Variants in TMEM132D observed in about 807,000 individuals in gnomAD.
TMEM132D encodes the protein mature OL transmembrane protein.
In TMEM132D, 21 loss-of-function variants were observed where a neutral mutation model predicts 62.3. The observed-to-expected ratio is 0.34, with a 90% confidence interval of 0.24 to 0.49. TMEM132D has a LOEUF of 0.49. Ranked by LOEUF, TMEM132D falls within the 20% of genes least tolerant of loss-of-function variation. The pLI, the probability that TMEM132D is intolerant of heterozygous loss-of-function variation, is 0.99. For synonymous variants in TMEM132D, 621 were observed against 575.6 expected (o/e 1.08, Z -1.13); for missense variants, 1,346 against 1,402.8 (o/e 0.96, Z 0.65).
chr12:129,866,269 A>T (rs1874057229), intron 1 of TMEM132D, among the ~76,000 whole-genome samples: 1 of 152,202 alleles, frequency 6.6e-6, no homozygotes, highest in Non-Finnish European at 1.5e-5. Context: ...AGCCATAAAA[A>T]ATGATGAGTT....
intron 2 of TMEM132D, among the ~76,000 whole-genome samples, chr12:129,564,952 G>A (rs1217839682): frequency 6.6e-6 from 1 of 152,118 alleles, no homozygotes; most frequent in African/African-American, 2.4e-5. Context: ...GAGAAAGGAA[G>A]GAGGAGAAAT....
intron 2 of TMEM132D, among the ~76,000 whole-genome samples, chr12:129,563,418 TCTTTTCCC>T (rs1877290629): frequency 6.6e-6 from 1 of 152,212 alleles, no homozygotes; most frequent in African/African-American, 2.4e-5. Context: ...TAGATGGATA[TCTTTTCCC>T]AGCCCTCTTT....
At chr12:129,877,462 T>A (rs1238898373) in intron 1 of TMEM132D, among the ~76,000 whole-genome samples, 1 of 152,144 alleles carries the variant, frequency 6.6e-6, no homozygotes, top group South Asian at 2.1e-4. Flanking sequence ...CTGAGAAACA[T>A]CCTTAAACGC....
intron 1 of TMEM132D, among the ~76,000 whole-genome samples, chr12:129,828,776 A>ATGGAGGGAGGG (rs1872740198): frequency 1.3e-4 from 1 of 7,994 alleles, no homozygotes; most frequent in African/African-American, 4.0e-4. Flanking sequence ...GGGAGGGAGG[A>ATGGAGGGAGGG]AGAAAAGGAG....
At chr12:129,217,723 A>ATT (rs35386156) in intron 4 of TMEM132D, among the ~76,000 whole-genome samples, 8 of 152,072 alleles carry the variant, frequency 5.3e-5, no homozygotes, top group East Asian at 1.9e-4. Flanking sequence ...AAAAGGTAGC[A>ATT]TTTTTTACAG....
chr12:129,742,560 T>C (rs1869643430), intron 1 of TMEM132D, among the ~76,000 whole-genome samples: 1 of 152,188 alleles, frequency 6.6e-6, no homozygotes, highest in South Asian at 2.1e-4. Context: ...ATTCAAACCA[T>C]ATCACCATCT....
intron 1 of TMEM132D, among the ~76,000 whole-genome samples, chr12:129,716,241 G>A (rs983116578): frequency 2.6e-4 from 39 of 152,122 alleles, no homozygotes; most frequent in African/African-American, 7.2e-4. Flanking sequence ...AAACAATGCC[G>A]CCTGGGAAAT....
At chr12:129,094,274 T>G (rs1179181833) in intron 5 of TMEM132D, among the ~76,000 whole-genome samples, 1 of 152,166 alleles carries the variant, frequency 6.6e-6, no homozygotes, top group Non-Finnish European at 1.5e-5. Context: ...GTTTTTGCAA[T>G]CTACCCATCT....
chr12:129,393,595 C>T lies in TMEM132D; in HGVS notation c.1116-55778G>A, dbSNP rs578239903. Among the ~76,000 whole-genome samples, 76 of 152,304 alleles carry T rather than the reference C, an allele frequency of 5.0e-4. 2 individuals carry two copies. Among genetic ancestry groups the T allele is most frequent in the South Asian group, 1.2e-3 (6 of 4,826 alleles). ...AAATTCACATAATTGCCTTAGGCTG[C>T]TGCTCAGAAACTTGGCTCAATAAGA... is the stretch of plus-strand genomic sequence containing the variant. On this transcript the variant is annotated intron_variant, in intron 3 of 8. Coordinates refer to ENST00000422113, the MANE Select transcript of TMEM132D (RefSeq NM_133448.3).
intron 2 of TMEM132D, among the ~76,000 whole-genome samples, chr12:129,604,477 A>C (rs968408911): frequency 2.0e-5 from 3 of 152,214 alleles, no homozygotes; most frequent in Non-Finnish European, 4.4e-5. Context: ...ATTTGTGGAC[A>C]TAAGTTTTCA....
chr12:129,270,245 T>C (rs934074879), intron 4 of TMEM132D, among the ~76,000 whole-genome samples: 1 of 152,186 alleles, frequency 6.6e-6, no homozygotes, highest in African/African-American at 2.4e-5. Context: ...AAGAGCAGGT[T>C]CCTCTAAGCA....
intron 1 of TMEM132D, among the ~76,000 whole-genome samples, chr12:129,775,077 T>G (rs1332517533): frequency 6.6e-6 from 1 of 152,230 alleles, no homozygotes; most frequent in Non-Finnish European, 1.5e-5. Context: ...TTCAGGTTTT[T>G]CTTAGAACAC....
At chr12:129,821,301 T>C (rs191256682) in intron 1 of TMEM132D, among the ~76,000 whole-genome samples, 6 of 152,330 alleles carry the variant, frequency 3.9e-5, no homozygotes, top group Admixed American at 2.0e-4. Flanking sequence ...AATTCCACGG[T>C]GTTGGTGTCC....
chr12:129,410,638 G>A (rs1435819347), intron 3 of TMEM132D, among the ~76,000 whole-genome samples: 5 of 152,294 alleles, frequency 3.3e-5, no homozygotes, highest in Admixed American at 6.5e-5. Flanking sequence ...GATTACAGGC[G>A]TGAGCCACCA....
At chr12:129,673,725 A>C (rs577239842) in intron 2 of TMEM132D, among the ~76,000 whole-genome samples, 47 of 152,332 alleles carry the variant, frequency 3.1e-4, no homozygotes, top group African/African-American at 1.1e-3. Flanking sequence ...CCAGTGTCTA[A>C]TGGAGCAATC....
chr12:129,767,497 T>C (rs1870589801), intron 1 of TMEM132D, among the ~76,000 whole-genome samples: 1 of 152,138 alleles, frequency 6.6e-6, no homozygotes, highest in African/African-American at 2.4e-5. Context: ...ACAAATCCTA[T>C]TCCCCATGTC....
At chr12:129,452,726 G>GAC (rs1247064615) in intron 3 of TMEM132D, among the ~76,000 whole-genome samples, 2 of 151,966 alleles carry the variant, frequency 1.3e-5, no homozygotes, top group African/African-American at 4.8e-5. Flanking sequence ...GGAGGGGAGA[G>GAC]AGAGAGACAG....
intron 4 of TMEM132D, among the ~76,000 whole-genome samples, chr12:129,315,922 G>C (rs1309963059): frequency 6.6e-6 from 1 of 152,084 alleles, no homozygotes; most frequent in African/African-American, 2.4e-5. Context: ...TCTAGCTTAT[G>C]TGCGTAAAGG....
At chr12:129,527,117 T>C (rs1227374393) in intron 3 of TMEM132D, among the ~76,000 whole-genome samples, 1 of 152,176 alleles carries the variant, frequency 6.6e-6, no homozygotes, top group African/African-American at 2.4e-5. Flanking sequence ...GAGACCAGCT[T>C]GGGCAACGGG....
Sources: gnomAD v4.1 joint callset for allele counts (sites outside exome capture counted in the v4.1 genomes callset) on GRCh38, gnomAD v4.1.1 for gene constraint, MANE v1.5 for transcripts, NCBI Gene and HGNC (gene_info 2026-07-23, HGNC 2026-07-21) for gene names.